Variants in GNPNAT1 observed in about 807,000 individuals in gnomAD.
GNPNAT1 encodes the protein glucosamine 6-phosphate N-acetyltransferase.
Under a neutral mutation model 19.8 loss-of-function variants are expected in GNPNAT1, and 11 were observed. The ratio of observed to expected loss-of-function variants is 0.56; its 90% CI spans 0.35 to 0.92. The LOEUF (loss-of-function observed/expected upper bound fraction) is 0.92. GNPNAT1 is among the 40% of genes least tolerant of loss of function. GNPNAT1 has a pLI of 0.01. For missense variants in GNPNAT1, 157 were observed against 211.0 expected (o/e 0.74, Z 1.59); for synonymous variants, 71 against 72.3 (o/e 0.98, Z 0.09).
intron 3 of GNPNAT1, among the ~76,000 whole-genome samples, chr14:52,783,080 G>A (rs776698033): frequency 1.2e-4 from 18 of 152,082 alleles, no homozygotes; most frequent in Admixed American, 2.6e-4. Context: ...AATTTAAAGC[G>A]TATAGTCTTG....
At chr14:52,787,821 A>T (rs978766817) in intron 1 of GNPNAT1, 2 of 151,298 alleles carry the variant, frequency 1.3e-5, no homozygotes, top group Non-Finnish European at 3.0e-5. Flanking sequence ...ATTCTTGTTC[A>T]TTTTTTTTTA....
At chr14:52,779,744 A>AAC (rs1882842104) in intron 5 of GNPNAT1, among the ~76,000 whole-genome samples, 1 of 151,120 alleles carries the variant, frequency 6.6e-6, no homozygotes, top group East Asian at 1.9e-4. Flanking sequence ...AAAAAAAAAA[A>AAC]AAAAAACATA....
intron 4 of GNPNAT1, 145 bp from the exon 5 acceptor site, chr14:52,780,885 G>A (rs1594890906): frequency 1.8e-6 from 1 of 545,664 alleles, no homozygotes; most frequent in Non-Finnish European, 3.2e-6. Flanking sequence ...ATTATACAGT[G>A]AAGGCTGTTT....
rs762992086 is a variant in GNPNAT1 at position 52,776,951 on chromosome 14, G to A, written c.*1360C>T. 1.6e-4 allele frequency: 24 copies of A among 152,320 alleles called. No individual in the cohort carries two copies. Among genetic ancestry groups the A allele is most frequent in the Admixed American group, 1.0e-3 (16 of 15,290 alleles). The allele number at this position is 152,320 out of a possible 1,614,324, so 9.4% of individuals were successfully genotyped here. On this transcript the variant is annotated 3_prime_UTR_variant, in exon 6 of 6. Transcript: ENST00000216410. ...AGGTTGTAGGACTTCTGAAAAGACA[G>A]AACTAGCTTTGTTGCGTTTCACGAA...
Position 52,778,079 on chromosome 14 carries a change from A to G in GNPNAT1, c.*232T>C. ...AAGAAAAGATTCAAGTTAAAAATAT[A>G]TTCCTTTGGTTAAAAATCATCCCCT... On this transcript the variant is annotated 3_prime_UTR_variant, in exon 6 of 6. Transcript: ENST00000216410. 3.5e-6 allele frequency: 1 copy of G among 289,328 alleles called. No individual in the cohort carries two copies. The highest frequency in any genetic ancestry group is 6.3e-6 in the Non-Finnish European group (1 of 158,292). 17.9% of individuals were successfully genotyped at this position (289,328 alleles called of 1,614,324 possible).
chr14:52,784,644 G>T lies in GNPNAT1; in HGVS notation c.7C>A (p.Pro3Thr). The T allele has an allele frequency of 6.5e-7, 1 of 1,538,150 alleles. No individual in the cohort carries two copies. The highest frequency in any genetic ancestry group is 8.8e-7 in the Non-Finnish European group (1 of 1,138,150). MK[P>T]DETPMFDPSL... ...GGGTCAAACATAGGAGTTTCATCAG[G>T]TTTCATTTTTCTAGTAAGGTCTAAA... Residue 3 changes from proline to threonine, a missense_variant, in exon 2 of 6, where the codon CCT becomes ACT. Pro to Thr is a conservative substitution (Grantham distance 38). Transcript: ENST00000216410.
chr14:52,779,440 C>T (rs1882825342), intron 5 of GNPNAT1, among the ~76,000 whole-genome samples: 1 of 152,120 alleles, frequency 6.6e-6, no homozygotes, highest in African/African-American at 2.4e-5. Flanking sequence ...AAGACCTTGA[C>T]TGAAGTATGC....
intron 1 of GNPNAT1, among the ~76,000 whole-genome samples, chr14:52,790,533 A>G (rs1441479228): frequency 6.6e-6 from 1 of 152,184 alleles, no homozygotes; most frequent in Non-Finnish European, 1.5e-5. Context: ...TTCCCAGTCT[A>G]CCGATGAGGA....
At chr14:52,784,754 G>C in intron 1 of GNPNAT1, 90 bp from the exon 2 acceptor site, 3 of 561,780 alleles carry the variant, frequency 5.3e-6, no homozygotes, top group Non-Finnish European at 6.0e-6. Context: ...AATGCAATTA[G>C]AAGCATTCTT....
intron 1 of GNPNAT1, among the ~76,000 whole-genome samples, chr14:52,788,100 G>A (rs1243189201): frequency 2.6e-5 from 4 of 152,034 alleles, no homozygotes; most frequent in Non-Finnish European, 2.9e-5. Flanking sequence ...AAGTTTAATA[G>A]CCATTCAAAA....
chr14:52,786,087 A>C (rs912571410), intron 1 of GNPNAT1, among the ~76,000 whole-genome samples: 9 of 147,340 alleles, frequency 6.1e-5, no homozygotes, highest in African/African-American at 2.0e-4. Context: ...ATGAACCATG[A>C]ATAGAAGAAA....
chr14:52,787,840 T>A (rs1883058755), intron 1 of GNPNAT1: 1 of 152,090 alleles, frequency 6.6e-6, no homozygotes, highest in African/African-American at 2.4e-5. Context: ...TACCTTTAAT[T>A]CATGAATCAG....
intron 1 of GNPNAT1, among the ~76,000 whole-genome samples, chr14:52,786,923 A>T (rs1044841862): frequency 7.5e-6 from 1 of 134,042 alleles, no homozygotes; most frequent in Admixed American, 8.6e-5. Context: ...ACATAATGAG[A>T]TATCTTGGGG....
At position 52,777,263 on chromosome 14, in the gene GNPNAT1, CAT is replaced by C. The variant is rs201557986; in HGVS notation, c.*1046_*1047del. 5.2e-3 allele frequency: 787 copies of C among 152,646 alleles called. 6 individuals are homozygous for C. The highest frequency in any genetic ancestry group is 0.044 in the East Asian group (230 of 5,194). 9.5% of individuals were successfully genotyped at this position (152,646 alleles called of 1,614,324 possible). ...GATGTGATTCTAACAGAAGACTACT[CAT>C]ATAAACAGGTTTAATGCAACATGGA... On this transcript the variant is annotated 3_prime_UTR_variant, in exon 6 of 6. Coordinates refer to ENST00000216410, the MANE Select transcript of GNPNAT1 (RefSeq NM_198066.4).
At chr14:52,784,233 A>AT (rs1305481805) in intron 2 of GNPNAT1, among the ~76,000 whole-genome samples, 1 of 152,194 alleles carries the variant, frequency 6.6e-6, no homozygotes, top group Non-Finnish European at 1.5e-5. Context: ...ATACATGATA[A>AT]TTTAATTTTT....
intron 1 of GNPNAT1, among the ~76,000 whole-genome samples, chr14:52,786,612 C>T (rs560308383): frequency 1.3e-5 from 2 of 152,074 alleles, no homozygotes; most frequent in Admixed American, 6.5e-5. Flanking sequence ...ATGATATTTC[C>T]CCCTCTTTTT....
At chr14:52,781,651 T>C in intron 4 of GNPNAT1, 133 bp downstream of exon 4, 1 of 790,180 alleles carries the variant, frequency 1.3e-6, no homozygotes, top group Non-Finnish European at 2.0e-6. Flanking sequence ...TTCTTAAAGC[T>C]CTCAGAACAC....
At chr14:52,778,604 T>A in intron 5 of GNPNAT1, 146 bp from the exon 6 acceptor site, 1 of 657,710 alleles carries the variant, frequency 1.5e-6, no homozygotes, top group Non-Finnish European at 2.5e-6. Flanking sequence ...TTCATGTAAG[T>A]TGATAAGCAT....
chr14:52,779,509 C>T (rs1882827511), intron 5 of GNPNAT1, among the ~76,000 whole-genome samples: 1 of 151,878 alleles, frequency 6.6e-6, no homozygotes, highest in African/African-American at 2.4e-5. Flanking sequence ...CCAAGGATCA[C>T]TTGAGTCCAG....
Sources: gnomAD v4.1 joint callset for allele counts (sites outside exome capture counted in the v4.1 genomes callset) on GRCh38, gnomAD v4.1.1 for gene constraint, MANE v1.5 for transcripts, NCBI Gene and HGNC (gene_info 2026-07-23, HGNC 2026-07-21) for gene names.